The following MAST1 variants were observed in gnomAD, a reference collection of about 807,000 sequenced individuals.
MAST1 encodes the protein microtubule associated serine/threonine kinase 1, also known as microtubule-associated serine/threonine-protein kinase 1.
A neutral mutation model predicts 124.6 loss-of-function variants in MAST1; 40 were observed. The observed-to-expected ratio is 0.32, with a 90% confidence interval of 0.25 to 0.42. The LOEUF is 0.42. Among genes scored for constraint, MAST1 ranks in the 10% least tolerant of loss-of-function variants. MAST1 has a pLI of 1.00. For missense variants in MAST1, 1,558 were observed against 2,181.9 expected, an observed-to-expected ratio of 0.71 and a Z score of 5.70; for synonymous variants, 938 against 939.4, an observed-to-expected ratio of 1.00 and a Z score of 0.03.
rs1970298424 is a variant in MAST1, at chr19:12,874,907, G to A, written c.*37G>A. On this transcript the variant is annotated 3_prime_UTR_variant, in exon 26 of 26. Transcript: ENST00000251472. The surrounding 1 kb of genome is among the most constrained non-coding windows in gnomAD (Gnocchi z 6.6). ...ATCGGCCCCGCGCTGTACAGCCTCC[G>A]TATACATATGTACACATATAAATAA... is the stretch of plus-strand genomic sequence containing the variant. 1.3e-6 allele frequency: 2 copies of A among 1,555,504 alleles called. No homozygotes were observed. The highest frequency in any genetic ancestry group is 1.2e-5 in the South Asian group (1 of 85,886).
intron 10 of MAST1, among the ~76,000 whole-genome samples, chr19:12,858,034 A>G (rs1970037352): frequency 7.2e-6 from 1 of 138,678 alleles, no homozygotes; most frequent in Non-Finnish European, 1.5e-5. Context: ...AAAAAAAAAA[A>G]AAAGCTCTAA....
chr19:12,848,289 T>C, intron 7 of MAST1: 1 of 533,884 alleles, frequency 1.9e-6, no homozygotes, highest in Non-Finnish European at 3.3e-6. Flanking sequence ...AATGTCACCT[T>C]TTCAGGTGGC....
At chr19:12,856,775 T>C (rs1970022635) in intron 10 of MAST1, among the ~76,000 whole-genome samples, 1 of 152,238 alleles carries the variant, frequency 6.6e-6, no homozygotes, top group Non-Finnish European at 1.5e-5. Context: ...GTTTGGCTAA[T>C]TTAACGTATG....
At chr19:12,839,729 C>T (rs567704511) in intron 1 of MAST1, among the ~76,000 whole-genome samples, 12 of 152,220 alleles carry the variant, frequency 7.9e-5, no homozygotes, top group Admixed American at 7.8e-4. Context: ...CACACAAAGA[C>T]ATAGATACAT....
chr19:12,848,105 A>G, intron 7 of MAST1, 48 bp downstream of exon 7: 1 of 1,524,598 alleles, frequency 6.6e-7, no homozygotes, highest in Non-Finnish European at 9.0e-7. Flanking sequence ...GCACCGCCAG[A>G]TTGTGCCCAA....
rs1220133670 is a variant in MAST1 at position 12,861,159 on chromosome 19, C to T, written c.1366+2420C>T. Among the ~76,000 whole-genome samples, 8 of 152,118 alleles carry T rather than the reference C, an allele frequency of 5.3e-5. No individual in the cohort carries two copies. In the East Asian group the frequency reaches 7.8e-4, roughly 15 times the overall value. ...TGCACAGCAACCTCCATCTCCCAGG[C>T]TCAAGGATTCTCATGCCTCAGCCTC... On this transcript the variant is annotated intron_variant, in intron 12 of 25. Transcript: ENST00000251472.
At chr19:12,849,800 AT>A (rs1264468369) in intron 7 of MAST1, among the ~76,000 whole-genome samples, 1 of 151,674 alleles carries the variant, frequency 6.6e-6, no homozygotes, top group African/African-American at 2.4e-5. Flanking sequence ...TTATTTATTT[AT>A]TTTATTTTTT....
chr19:12,870,180 CAAAAAAAAAAAAAA>C (rs35731863), intron 22 of MAST1, among the ~76,000 whole-genome samples: 1 of 30,610 alleles, frequency 3.3e-5, no homozygotes, highest in African/African-American at 1.5e-4. Context: ...GACACCATCT[CAAAAAAAAAAAAAA>C]AAAAAAAAAA....
In MAST1 at chr19:12,847,354, A is replaced by G. The variant is rs374533093; in HGVS notation, c.392A>G (p.His131Arg). ...LPYQPTVDELHFLSKHFGSTE... is the reference protein window; with the variant it reads ...LPYQPTVDELRFLSKHFGSTE... The stretch of plus-strand genomic sequence containing the variant: ...TACCAGCCCACGGTGGACGAGCTCC[A>G]CTTCCTCTCCAAACACTTCGGGAGC... Residue 131 changes from histidine (H) to arginine (R), a missense_variant, in exon 5 of 26, where the codon CAC (histidine) becomes CGC (arginine). His to Arg is a conservative substitution (Grantham distance 29). Coordinates refer to ENST00000251472, the MANE Select transcript of MAST1 (RefSeq NM_014975.3). This position sits in a 1 kb window ranked among gnomAD's most constrained non-coding sequence, Gnocchi z 5.5. 4 of 1,613,464 alleles carry G rather than the reference A, an allele frequency of 2.5e-6. No homozygotes were observed. Among genetic ancestry groups the G allele is most frequent in the Non-Finnish European group, 3.4e-6 (4 of 1,179,912 alleles).
At chr19:12,868,110 T>TTC (rs1970183582) in intron 20 of MAST1, 133 bp downstream of exon 20, 2 of 868,080 alleles carry the variant, frequency 2.3e-6, no homozygotes, top group African/African-American at 4.0e-5. Context: ...GGGATTTTTT[T>TTC]TTTTTTTTTT....
chr19:12,847,062 G>T lies in MAST1; in HGVS notation c.328-228G>T, dbSNP rs559620505. 4.4e-4 allele frequency among the ~76,000 whole-genome samples: 67 copies of T among 152,206 alleles called. 1 individual carries two copies. Among genetic ancestry groups the T allele is most frequent in the African/African-American group, 1.6e-3 (66 of 41,516 alleles). On this transcript the variant is annotated intron_variant, in intron 4 of 25. Transcript: ENST00000251472. The surrounding 1 kb of genome is among the most constrained non-coding windows in gnomAD (Gnocchi z 5.5). ...AGGGTTCTGAACAGAGGAGGCTCATGACTTGACCCAAGCTTTAACAGACTC... is the reference window on the plus strand; with the variant it reads ...AGGGTTCTGAACAGAGGAGGCTCATTACTTGACCCAAGCTTTAACAGACTC...
At chr19:12,840,235 T>A (rs1599574565) in intron 1 of MAST1, among the ~76,000 whole-genome samples, 4 of 151,936 alleles carry the variant, frequency 2.6e-5, no homozygotes, top group Middle Eastern at 3.4e-3. Context: ...ATACTGAGAG[T>A]TTCTCACACA....
chr19:12,839,171 C>T (rs561000339), intron 1 of MAST1, among the ~76,000 whole-genome samples: 1 of 148,650 alleles, frequency 6.7e-6, no homozygotes, highest in South Asian at 2.1e-4. Context: ...CCCCCGAACA[C>T]AGCCTTACAC....
Position 12,867,500 on chromosome 19 carries a change from G to A in MAST1, c.2166G>A (p.Ser722=), listed in dbSNP as rs768086597. 3.1e-6 allele frequency: 5 copies of A among 1,613,634 alleles called. No homozygotes were observed. Among genetic ancestry groups the A allele is most frequent in the Non-Finnish European group, 4.2e-6 (5 of 1,179,992 alleles). The part of the protein sequence containing the change: ...SKVYSSMEQL[S]QHEPKTPVAA... ...TGTATAGCAGCATGGAGCAGCTGTC[G>A]CAGCACGAGCCCAAGACCCCAGTAG... The change falls in exon 19 of 26, where the codon TCG becomes TCA. Residue 722 remains serine, a synonymous_variant. Coordinates refer to ENST00000251472, the MANE Select transcript of MAST1 (RefSeq NM_014975.3).
chr19:12,852,052 T>C lies in MAST1; in HGVS notation c.876+17T>C, dbSNP rs375938512. On this transcript the variant is annotated intron_variant, in intron 8 of 25. Transcript: ENST00000251472. ...GAGTGCCTGGTGAGGGGGCTGGGCA[T>C]GGGTAGGGGTGGGTTGGTAGACCCT... 31 of 1,613,658 alleles carry C rather than the reference T, an allele frequency of 1.9e-5. No homozygotes were observed. Among genetic ancestry groups the C allele is most frequent in the Non-Finnish European group, 2.5e-5 (29 of 1,179,928 alleles).
intron 1 of MAST1, 71 bp from the exon 2 acceptor site, chr19:12,840,375 T>G: frequency 1.1e-6 from 1 of 938,490 alleles, no homozygotes; most frequent in Non-Finnish European, 1.7e-6. Context: ...AGACAGGAGG[T>G]CAGCTGGTGG....
intron 12 of MAST1, among the ~76,000 whole-genome samples, chr19:12,864,286 T>G (rs1271417897): frequency 6.6e-6 from 1 of 151,692 alleles, no homozygotes; most frequent in African/African-American, 2.4e-5. Context: ...TCCCAGCTAC[T>G]CAGGAGGCTG....
At chr19:12,840,254 A>G (rs73925219) in intron 1 of MAST1, among the ~76,000 whole-genome samples, 192 bp from the exon 2 acceptor site, 6,529 of 152,224 alleles carry the variant, frequency 0.043, 167 homozygotes, top group African/African-American at 0.065. Context: ...CACATGTCAT[A>G]TGCACATCCC....
chr19:12,851,855 G>A, intron 7 of MAST1, 79 bp from the exon 8 acceptor site: 1 of 1,038,904 alleles, frequency 9.6e-7, no homozygotes, highest in Non-Finnish European at 1.4e-6. Context: ...GCAGCAGTAT[G>A]TACTCTGAGG....
Sources: allele counts gnomAD v4.1 joint callset (sites outside exome capture counted in the v4.1 genomes callset), GRCh38; gene constraint gnomAD v4.1.1; non-coding constraint Gnocchi (gnomAD v3.1); transcripts MANE v1.5; gene names NCBI Gene and HGNC (gene_info 2026-07-23, HGNC 2026-07-21).